Variants in POGLUT1 observed in about 807,000 individuals in gnomAD.
POGLUT1 encodes the protein protein O-glucosyltransferase 1.
Under a neutral mutation model 61.3 loss-of-function variants are expected in POGLUT1, and 32 were observed. The observed-to-expected ratio is 0.52, with a 90% CI of 0.39 to 0.70. POGLUT1 has a LOEUF of 0.70. Ranked by LOEUF, POGLUT1 falls within the 30% of genes least tolerant of loss-of-function variation. The pLI is 0.00. For missense variants in POGLUT1, 411 were observed against 469.8 expected, an observed-to-expected ratio of 0.87 and a Z score of 1.16; for synonymous variants, 158 against 158.2, an observed-to-expected ratio of 1.00 and a Z score of 0.01.
At chr3:119,476,120 G>A (rs2081534890) in intron 3 of POGLUT1, among the ~76,000 whole-genome samples, 1 of 152,064 alleles carries the variant, frequency 6.6e-6, no homozygotes, top group Admixed American at 6.5e-5. Flanking sequence ...TCATGCCACT[G>A]CACTCTTCAG....
rs76365709 is a variant in POGLUT1 at position 119,477,614 on chromosome 3, A to T, written c.456+166A>T. ...AGCATCACAGTGATTGAGCAAAAAG[A>T]CAGAGGAGATGAAGTTGAGAGCTGG... On this transcript the variant is annotated intron_variant, in intron 4 of 10. Transcript: ENST00000295588. 3.3e-3 allele frequency among the ~76,000 whole-genome samples: 504 copies of T among 152,328 alleles called. 1 individual carries two copies. Among genetic ancestry groups the T allele is most frequent in the African/African-American group, 0.012 (484 of 41,572 alleles).
intron 8 of POGLUT1, chr3:119,490,078 G>A (rs1473242307): frequency 1.3e-5 from 2 of 155,912 alleles, no homozygotes; most frequent in South Asian, 1.9e-4. Flanking sequence ...GGAGACCTTC[G>A]ACCAGATGGG....
intron 4 of POGLUT1, among the ~76,000 whole-genome samples, chr3:119,478,791 T>C (rs1488818424): frequency 6.6e-6 from 1 of 151,982 alleles, no homozygotes; most frequent in Non-Finnish European, 1.5e-5. Context: ...TGGCCAGATT[T>C]TTAACAGAAG....
rs6414283 is a variant in POGLUT1 at position 119,477,066 on chromosome 3, C to T, written c.321-247C>T. Among the ~76,000 whole-genome samples, 121,288 of 152,122 alleles carry T rather than the reference C, an allele frequency of 0.8. 48,454 individuals are homozygous for T. Among genetic ancestry groups the T allele is most frequent in the East Asian group, 0.87 (4,481 of 5,174 alleles). On this transcript the variant is annotated intron_variant, in intron 3 of 10. Transcript: ENST00000295588. ...AATAATACTCCCTTCAAAGCTATGA[C>T]GATTTATTTGGAAAATTTTATTAAG...
rs866483134 is a variant in POGLUT1 at position 119,469,377 on chromosome 3, G to T, written c.85+271G>T. Reference sequence around the variant, plus strand: ...TTCACCCGCAGGAGGCGTGGCCCGTGCTTGGCTACTCTGGACCTGCCTGAA... The same window carrying T: ...TTCACCCGCAGGAGGCGTGGCCCGTTCTTGGCTACTCTGGACCTGCCTGAA... On this transcript the variant is annotated intron_variant, in intron 1 of 10. Transcript: ENST00000295588. The T allele has an allele frequency of 3.5e-5, 20 of 576,216 alleles. No individual in the cohort carries two copies. The Middle Eastern group carries it at 2.6e-3, about 76-fold the overall frequency. The allele number at this position is 576,216 out of a possible 1,614,324, so 35.7% of individuals were successfully genotyped here.
intron 1 of POGLUT1, among the ~76,000 whole-genome samples, chr3:119,469,410 G>A (rs2081439987): frequency 6.6e-6 from 1 of 152,268 alleles, no homozygotes; most frequent in Admixed American, 6.5e-5. Context: ...GAAACACTGA[G>A]GGGTCGGGGA....
intron 9 of POGLUT1, among the ~76,000 whole-genome samples, chr3:119,491,170 A>T (rs1177759571): frequency 6.8e-6 from 1 of 147,932 alleles, no homozygotes; most frequent in Admixed American, 6.8e-5. Context: ...GTGTATATAT[A>T]TTTTTTTTCT....
chr3:119,488,880 C>A, intron 7 of POGLUT1, 49 bp from the exon 8 acceptor site: 2 of 1,010,996 alleles, frequency 2.0e-6, no homozygotes, highest in Non-Finnish European at 3.1e-6. Context: ...ACAGTGATCA[C>A]AATAAATGCT....
intron 7 of POGLUT1, chr3:119,488,053 A>G (rs1182246366): frequency 6.6e-6 from 1 of 152,240 alleles, no homozygotes; most frequent in African/African-American, 2.4e-5. Context: ...ATACCATATG[A>G]GGATGCTATG....
At chr3:119,484,876 C>T (rs981379882) in intron 5 of POGLUT1, among the ~76,000 whole-genome samples, 1 of 152,138 alleles carries the variant, frequency 6.6e-6, no homozygotes, top group African/African-American at 2.4e-5. Flanking sequence ...ACAAAGTGTC[C>T]TTTAGGGCTT....
Position 119,491,538 on chromosome 3 carries a change from A to C in POGLUT1, c.986A>C (p.Lys329Thr). The C allele has an allele frequency of 1.3e-6, 2 of 1,549,276 alleles. No homozygotes were observed. The highest frequency in any genetic ancestry group is 1.8e-6 in the Non-Finnish European group (2 of 1,132,412). Residue 329 changes from lysine (K) to threonine (T), a missense_variant, in exon 10 of 11, where the codon AAA (lysine) becomes ACA (threonine). Physicochemically the swap from Lys to Thr is moderately conservative, Grantham distance 78. Transcript: ENST00000295588. The part of the protein sequence containing the change: ...SNVQELLQFV[K>T]ANDDVAQEIA... Reference sequence around the variant, plus strand: ...TTTAGAGAGCTGTTACAATTTGTAAAAGCAAATGATGATGTAGCTCAAGAG... The same window carrying C: ...TTTAGAGAGCTGTTACAATTTGTAACAGCAAATGATGATGTAGCTCAAGAG...
Position 119,488,987 on chromosome 3 carries a change from A to G in POGLUT1, c.797A>G (p.Lys266Arg), listed in dbSNP as rs780036147. The G allele has an allele frequency of 4.5e-6, 7 of 1,562,246 alleles. No homozygotes were observed. The East Asian group carries it at 1.6e-4, about 35-fold the overall frequency. Residue 266 changes from lysine to arginine, a missense_variant and splice_region_variant, in exon 8 of 11, where the codon AAG (lysine) becomes AGG (arginine). Transcript: ENST00000295588. ...CATCTTGTGGATCACTGCAAATACAAGTAAGATTTGCAGGACTCCTCACTT... is the reference window on the plus strand; with the variant it reads ...CATCTTGTGGATCACTGCAAATACAGGTAAGATTTGCAGGACTCCTCACTT... The part of the protein sequence containing the change: ...DVHLVDHCKY[K>R]YLFNFRGVAA...
intron 9 of POGLUT1, among the ~76,000 whole-genome samples, chr3:119,491,022 G>A (rs1194477438): frequency 1.3e-5 from 2 of 151,734 alleles, no homozygotes; most frequent in Admixed American, 6.6e-5. Flanking sequence ...TTATTATATT[G>A]TCAAAAGGAT....
At chr3:119,482,389 ATTTG>A (rs143143737) in intron 5 of POGLUT1, among the ~76,000 whole-genome samples, 17,909 of 151,678 alleles carry the variant, frequency 0.12, 1,203 homozygotes, top group South Asian at 0.18. Context: ...CACTTTATTT[ATTTG>A]TTTGTTTGTT....
At chr3:119,490,922 G>A (rs976290810) in intron 9 of POGLUT1, among the ~76,000 whole-genome samples, 4 of 152,124 alleles carry the variant, frequency 2.6e-5, no homozygotes, top group Admixed American at 6.5e-5. Flanking sequence ...TTGAAAAAGC[G>A]CTTTAATACT....
rs142565532 is a variant in POGLUT1 at position 119,485,351 on chromosome 3, A to G, written c.602A>G (p.Lys201Arg). Residue 201 changes from lysine (K) to arginine (R), a missense_variant, in exon 6 of 11, where the codon AAA becomes AGA. Lys to Arg is a conservative substitution (Grantham distance 26). Coordinates refer to ENST00000295588, the MANE Select transcript of POGLUT1 (RefSeq NM_152305.3). ...AGGTCAGCAGCACAGTGGCCATGGA[A>G]AAAGAAAAACTCTACAGCATATTTC... ...LVRSAAQWPWKKKNSTAYFRG... is the reference protein window; with the variant it reads ...LVRSAAQWPWRKKNSTAYFRG... The G allele has an allele frequency of 3.1e-3, 4,965 of 1,608,140 alleles. 16 individuals are homozygous for G. The highest frequency in any genetic ancestry group is 3.9e-3 in the Non-Finnish European group (4,543 of 1,174,862).
chr3:119,473,430 A>C (rs1429952861), intron 3 of POGLUT1, among the ~76,000 whole-genome samples: 1 of 152,228 alleles, frequency 6.6e-6, no homozygotes, highest in Non-Finnish European at 1.5e-5. Context: ...GAGCTTAGAA[A>C]TGTTCTGAAG....
intron 4 of POGLUT1, chr3:119,478,468 CT>C (rs1483921137): frequency 2.2e-6 from 1 of 455,904 alleles, no homozygotes; most frequent in African/African-American, 2.0e-5. Flanking sequence ...CAGATAGAGG[CT>C]CCCATGTAAG....
chr3:119,470,550 T>G (rs1251429753), intron 2 of POGLUT1, among the ~76,000 whole-genome samples: 1 of 152,174 alleles, frequency 6.6e-6, no homozygotes, highest in African/African-American at 2.4e-5. Flanking sequence ...CACCCCAGCC[T>G]GGGTGACAGA....
Sources: gnomAD v4.1 joint callset for allele counts (sites outside exome capture counted in the v4.1 genomes callset) on GRCh38, gnomAD v4.1.1 for gene constraint, MANE v1.5 for transcripts, NCBI Gene and HGNC (gene_info 2026-07-23, HGNC 2026-07-21) for gene names.